SMC6: variants seen among roughly 807,000 people sequenced by gnomAD.
The protein encoded by SMC6 is structural maintenance of chromosomes protein 6.
In SMC6, 79 loss-of-function variants were observed where a neutral mutation model predicts 142.2. The ratio of observed to expected loss-of-function variants is 0.56; its 90% CI spans 0.46 to 0.67. The LOEUF is 0.67. SMC6 is among the 30% of genes least tolerant of loss of function. The pLI is 0.00. For synonymous variants in SMC6, 411 were observed against 412.4 expected (o/e 1.00, Z 0.04); for missense variants, 1,072 against 1,284.0 (o/e 0.83, Z 2.52).
At chr2:17,707,907 A>G (rs1156587566) in intron 17 of SMC6, among the ~76,000 whole-genome samples, 1 of 151,924 alleles carries the variant, frequency 6.6e-6, no homozygotes, top group East Asian at 1.9e-4. Context: ...CTTTACAACA[A>G]CGCTTCATTA....
intron 7 of SMC6, among the ~76,000 whole-genome samples, chr2:17,727,947 A>G (rs1038453110): frequency 6.6e-6 from 1 of 152,176 alleles, no homozygotes; most frequent in African/African-American, 2.4e-5. Context: ...ATATTTTTTC[A>G]CAAAGCCCCC....
chr2:17,748,564 T>C (rs1165335002), intron 2 of SMC6, among the ~76,000 whole-genome samples: 1 of 152,250 alleles, frequency 6.6e-6, no homozygotes, highest in Non-Finnish European at 1.5e-5. Flanking sequence ...AAAAATATTT[T>C]TCAAAATATT....
At chr2:17,720,223 T>C (rs776569555) in intron 11 of SMC6, among the ~76,000 whole-genome samples, 1 of 152,144 alleles carries the variant, frequency 6.6e-6, no homozygotes, top group Non-Finnish European at 1.5e-5. Context: ...AGAGTGAGTA[T>C]AAAGAGTGGA....
In SMC6 at chr2:17,716,745, T is replaced by C. The variant is rs1461582349; in HGVS notation, c.1342A>G (p.Ile448Val). 9 of 1,603,354 alleles carry C rather than the reference T, an allele frequency of 5.6e-6. No individual in the cohort carries two copies. In the Admixed American group the frequency reaches 1.6e-4, roughly 28 times the overall value. ...TCTAAGGATGTTGCAACTTACTTAATTTTGCCATGTTCTTCTTTGTCCTTT... is the reference window on the plus strand; with the variant it reads ...TCTAAGGATGTTGCAACTTACTTAACTTTGCCATGTTCTTCTTTGTCCTTT... ...IEKDKEEHGK[I>V]KREELDVKHA... Residue 448 changes from isoleucine (I) to valine (V), a missense_variant, in exon 14 of 28, where the codon ATT becomes GTT. Coordinates refer to ENST00000448223, the MANE Select transcript of SMC6 (RefSeq NM_001142286.2).
rs1669115232 is a variant in SMC6, at chr2:17,716,894, G to A, written c.1193C>T (p.Ser398Phe). 2 of 1,609,392 alleles carry A rather than the reference G, an allele frequency of 1.2e-6. No homozygotes were observed. The highest frequency in any genetic ancestry group is 2.2e-5 in the South Asian group (2 of 89,790). Residue 398 changes from serine (S) to phenylalanine (F), a missense_variant, in exon 14 of 28, where the codon TCT becomes TTT. Physicochemically the swap from Ser to Phe is radical, Grantham distance 155 (BLOSUM62 -2). Around this residue, in one of 3 missense-constraint regions of SMC6, gnomAD observed 994 missense variants for 1,153.2 expected, o/e 0.86. Coordinates refer to ENST00000448223, the MANE Select transcript of SMC6 (RefSeq NM_001142286.2). Reference sequence around the variant, plus strand: ...TCTTTCCAACCGTTCAGGTTCCAAAGATTGGTCAGTACTAACAGTAAATAA... The same window carrying A: ...TCTTTCCAACCGTTCAGGTTCCAAAAATTGGTCAGTACTAACAGTAAATAA... ...IEELKKSTDQ[S>F]LEPERLERQK... is the part of the protein sequence containing the mutation.
At chr2:17,719,669 C>G (rs575596943) in intron 11 of SMC6, among the ~76,000 whole-genome samples, 12 of 152,052 alleles carry the variant, frequency 7.9e-5, no homozygotes, top group African/African-American at 2.4e-4. Flanking sequence ...GAGAAAAATA[C>G]TTGGTGAAAA....
intron 5 of SMC6, 71 bp from the exon 6 acceptor site, chr2:17,731,948 T>C (rs943081875): frequency 9.5e-6 from 14 of 1,476,778 alleles, no homozygotes; most frequent in Non-Finnish European, 1.3e-5. Context: ...GCCACAGTTT[T>C]CAAATTTTTC....
intron 24 of SMC6, chr2:17,679,971 C>T (rs2124832856): frequency 2.0e-5 from 3 of 152,280 alleles, no homozygotes; most frequent in Middle Eastern, 6.8e-3. Context: ...CATTAAATTC[C>T]CACACTAGAA....
intron 7 of SMC6, among the ~76,000 whole-genome samples, chr2:17,729,159 C>T (rs1183558978): frequency 6.6e-6 from 1 of 152,088 alleles, no homozygotes; most frequent in African/African-American, 2.4e-5. Context: ...ATCATTGTAA[C>T]ATGTAATCAA....
At chr2:17,693,553 G>T (rs558671048) in intron 23 of SMC6, among the ~76,000 whole-genome samples, 1 of 152,054 alleles carries the variant, frequency 6.6e-6, no homozygotes, top group Non-Finnish European at 1.5e-5. Flanking sequence ...TGTGTGGTGG[G>T]GGGAGGGACA....
chr2:17,670,967 TCCTCCCACCTCAG>T (rs1403329519), intron 25 of SMC6, among the ~76,000 whole-genome samples: 1 of 151,560 alleles, frequency 6.6e-6, no homozygotes, highest in Admixed American at 6.6e-5. Flanking sequence ...GCTCAAGCAA[TCCTCCCACCTCAG>T]CCTCCCAAGT....
At chr2:17,752,640 T>C (rs1426782761) in intron 2 of SMC6, among the ~76,000 whole-genome samples, 1 of 152,204 alleles carries the variant, frequency 6.6e-6, no homozygotes, top group Non-Finnish European at 1.5e-5. Context: ...TGTTCCAACA[T>C]AAAATTAATA....
chr2:17,718,909 T>C (rs2125006932), intron 11 of SMC6, among the ~76,000 whole-genome samples: 1 of 152,282 alleles, frequency 6.6e-6, no homozygotes, highest in African/African-American at 2.4e-5. Flanking sequence ...CATGTTAGAT[T>C]ACTCTGGAAG....
intron 3 of SMC6, among the ~76,000 whole-genome samples, chr2:17,742,518 T>G (rs1241772165): frequency 7.2e-5 from 11 of 152,224 alleles, no homozygotes; most frequent in Non-Finnish European, 1.6e-4. Context: ...GGTAGTCACT[T>G]GCACTTTGTA....
intron 7 of SMC6, among the ~76,000 whole-genome samples, chr2:17,730,116 A>G (rs1272480423): frequency 6.6e-6 from 1 of 152,226 alleles, no homozygotes; most frequent in East Asian, 1.9e-4. Flanking sequence ...AACCACGTCT[A>G]GACAGCCTTA....
chr2:17,694,018 AAAAAAAG>A (rs1305739811), intron 23 of SMC6, among the ~76,000 whole-genome samples: 24 of 149,180 alleles, frequency 1.6e-4, no homozygotes, highest in African/African-American at 5.0e-4. Flanking sequence ...AAAAAAAAAA[AAAAAAAG>A]AATGAAATCC....
chr2:17,751,492 A>G (rs1671035874), intron 2 of SMC6, among the ~76,000 whole-genome samples: 1 of 152,024 alleles, frequency 6.6e-6, no homozygotes, highest in South Asian at 2.1e-4. Context: ...AAGAGGAAAA[A>G]AAAGAAAGAA....
chr2:17,677,706 C>A (rs1558327527), intron 25 of SMC6, among the ~76,000 whole-genome samples: 2 of 152,112 alleles, frequency 1.3e-5, no homozygotes, highest in East Asian at 3.9e-4. Context: ...TCAATAAGCA[C>A]AATTCCTCCC....
intron 16 of SMC6, among the ~76,000 whole-genome samples, chr2:17,714,502 T>C (rs972867809): frequency 6.6e-5 from 10 of 152,196 alleles, no homozygotes; most frequent in African/African-American, 2.4e-4. Flanking sequence ...ATTACTGCTC[T>C]TCACGGATTC....
Sources: gnomAD v4.1 joint callset for allele counts (sites outside exome capture counted in the v4.1 genomes callset) on GRCh38, gnomAD v4.1.1 for gene constraint, gnomAD v4.1.1 regional missense constraint, MANE v1.5 for transcripts, NCBI Gene and HGNC (gene_info 2026-07-23, HGNC 2026-07-21) for gene names.